The following SEC24A variants were observed in gnomAD, a reference collection of about 807,000 sequenced individuals.
SEC24A encodes SEC24 homolog A, COPII component.
In SEC24A, 93 loss-of-function variants were observed where a neutral mutation model predicts 129.4. That is an observed-to-expected ratio of 0.72 (90% CI 0.61 to 0.85). The LOEUF (loss-of-function observed/expected upper bound fraction) is 0.85, where lower values mean the gene tolerates loss of function less well. Among genes scored for constraint, SEC24A ranks in the 40% least tolerant of loss-of-function variants. The pLI is 0.00. For missense variants in SEC24A, 1,264 were observed against 1,307.4 expected, an observed-to-expected ratio of 0.97 and a Z score of 0.51; for synonymous variants, 460 against 467.3, an observed-to-expected ratio of 0.98 and a Z score of 0.20.
At chr5:134,717,646 CG>C (rs1752515584) in intron 19 of SEC24A, among the ~76,000 whole-genome samples, 1 of 151,614 alleles carries the variant, frequency 6.6e-6, no homozygotes, top group Non-Finnish European at 1.5e-5. Context: ...TGGCCGGGTG[CG>C]GTAGCTCACG....
chr5:134,716,467 T>TAAAA (rs370950499), intron 19 of SEC24A, among the ~76,000 whole-genome samples: 1 of 78,930 alleles, frequency 1.3e-5, no homozygotes, highest in African/African-American at 4.9e-5. Context: ...AGACTTTGTC[T>TAAAA]AAAAAAAAAA....
intron 19 of SEC24A, among the ~76,000 whole-genome samples, chr5:134,716,143 T>C (rs1752470275): frequency 2.0e-5 from 3 of 152,084 alleles, no homozygotes; most frequent in Non-Finnish European, 4.4e-5. Flanking sequence ...AGTTAAGATA[T>C]ATATTTTGGA....
chr5:134,696,980 T>C (rs1249567311), intron 13 of SEC24A, 146 bp from the exon 14 acceptor site: 1 of 482,680 alleles, frequency 2.1e-6, no homozygotes, highest in Non-Finnish European at 3.7e-6. Context: ...AAAAATCAAG[T>C]AGTACCACAA....
chr5:134,671,604 A>T (rs1194380492), intron 3 of SEC24A, among the ~76,000 whole-genome samples: 2 of 152,180 alleles, frequency 1.3e-5, no homozygotes, highest in African/African-American at 4.8e-5. Context: ...CCAAAGACTC[A>T]TGTTTCCTTT....
At chr5:134,712,984 T>C (rs950739953) in intron 18 of SEC24A, among the ~76,000 whole-genome samples, 2 of 138,676 alleles carry the variant, frequency 1.4e-5, no homozygotes, top group Non-Finnish European at 3.0e-5. Flanking sequence ...TAGGCTGGAG[T>C]GCAGTGGCGC....
chr5:134,667,892 T>C (rs1750721666), intron 3 of SEC24A, among the ~76,000 whole-genome samples: 1 of 152,150 alleles, frequency 6.6e-6, no homozygotes, highest in African/African-American at 2.4e-5. Flanking sequence ...AGAGTGTTCA[T>C]TTAAATAAGA....
rs770518020 is a variant in SEC24A at position 134,674,731 on chromosome 5, C to G, written c.934C>G (p.Pro312Ala). Residue 312 changes from proline (P) to alanine (A), a missense_variant, in exon 5 of 23, where the codon CCC (proline) becomes GCC (alanine). Coordinates refer to ENST00000398844, the MANE Select transcript of SEC24A (RefSeq NM_021982.3). ...TTPPGATGVP[P>A]SSLNYPSGPQ... ...ACCACCTGGTGCAACTGGAGTACCA[C>G]CCTCTTCCTTGAATTACCCAAGTGG... The G allele has an allele frequency of 5.6e-6, 9 of 1,613,906 alleles. No homozygotes were observed. In the African/African-American group the frequency reaches 1.1e-4, roughly 19 times the overall value.
rs777547814 is a variant in SEC24A at position 134,694,654 on chromosome 5, C to CA, written c.1986+736dup. ...TGGGTGACAGAGCGAGACTCCGTCT[C>CA]AAAAAAAAAAAAAAATTAGCTGGGT... On this transcript the variant is annotated intron_variant, in intron 13 of 22. Coordinates refer to ENST00000398844, the MANE Select transcript of SEC24A (RefSeq NM_021982.3). Among the ~76,000 whole-genome samples the CA allele has an allele frequency of 9.6e-3, 1,181 of 123,130 alleles. 13 individuals carry two copies. The highest frequency in any genetic ancestry group is 0.029 in the African/African-American group (973 of 33,400). 80.8% of individuals were successfully genotyped at this position (123,130 alleles called of 152,430 possible).
Position 134,674,738 on chromosome 5 carries a change from C to G in SEC24A, c.941C>G (p.Ser314Cys). The change falls in exon 5 of 23, where the codon TCC becomes TGC. Residue 314 changes from serine (S) to cysteine (C), a missense_variant. Transcript: ENST00000398844. ...GGTGCAACTGGAGTACCACCCTCTTCCTTGAATTACCCAAGTGGGCCACAA... is the reference window on the plus strand; with the variant it reads ...GGTGCAACTGGAGTACCACCCTCTTGCTTGAATTACCCAAGTGGGCCACAA... ...PPGATGVPPS[S>C]LNYPSGPQAF... is the part of the protein sequence containing the mutation. The G allele has an allele frequency of 3.1e-6, 5 of 1,613,912 alleles. No individual in the cohort carries two copies. The highest frequency in any genetic ancestry group is 4.2e-6 in the Non-Finnish European group (5 of 1,179,894).
At chr5:134,686,291 G>A (rs1162093073) in intron 9 of SEC24A, among the ~76,000 whole-genome samples, 1 of 150,900 alleles carries the variant, frequency 6.6e-6, no homozygotes, top group African/African-American at 2.4e-5. Flanking sequence ...CTAGAGTGCA[G>A]TGGCATAATC....
intron 3 of SEC24A, among the ~76,000 whole-genome samples, chr5:134,669,474 T>A (rs947633437): frequency 3.2e-5 from 4 of 126,192 alleles, no homozygotes; most frequent in South Asian, 2.5e-4. Context: ...CAGAAAAAAA[T>A]TTTTATTTAT....
At chr5:134,670,856 AC>A (rs1443847987) in intron 3 of SEC24A, among the ~76,000 whole-genome samples, 1 of 151,626 alleles carries the variant, frequency 6.6e-6, no homozygotes, top group African/African-American at 2.4e-5. Context: ...AGGCGTGGTG[AC>A]GGGCACATGT....
Position 134,718,091 on chromosome 5 carries a change from G to A in SEC24A, c.2888G>A (p.Arg963Lys). 6.2e-7 allele frequency: 1 copy of A among 1,613,938 alleles called. No homozygotes were observed. The highest frequency in any genetic ancestry group is 8.5e-7 in the Non-Finnish European group (1 of 1,179,908). The change falls in exon 20 of 23, where the codon AGA becomes AAA. Residue 963 changes from arginine to lysine, a missense_variant. Coordinates refer to ENST00000398844, the MANE Select transcript of SEC24A (RefSeq NM_021982.3). ...CAGGGAGCACTCAACATCAGTGATA[G>A]AACCATACCTCAGCCCCCCATTCTT... The part of the protein sequence containing the change: ...SDEGALNISD[R>K]TIPQPPILQL...
intron 8 of SEC24A, 139 bp from the exon 9 acceptor site, chr5:134,682,234 C>T: frequency 2.1e-6 from 1 of 486,020 alleles, no homozygotes; most frequent in Non-Finnish European, 3.7e-6. Context: ...CAGAGTGAAA[C>T]TCTGTCTCAA....
intron 20 of SEC24A, among the ~76,000 whole-genome samples, 163 bp from the exon 21 acceptor site, chr5:134,720,835 G>A (rs1367580341): frequency 6.6e-6 from 1 of 152,138 alleles, no homozygotes; most frequent in Non-Finnish European, 1.5e-5. Flanking sequence ...CCAGGAGTCG[G>A]AGGTTGCAGT....
intron 1 of SEC24A, among the ~76,000 whole-genome samples, chr5:134,659,361 C>T (rs7719406): frequency 0.025 from 3,736 of 152,074 alleles, 65 homozygotes; most frequent in African/African-American, 0.056. Context: ...CGTGAGCCAC[C>T]GCGCCTGGCC....
At chr5:134,714,037 G>A (rs1331855677) in intron 18 of SEC24A, among the ~76,000 whole-genome samples, 8 of 149,410 alleles carry the variant, frequency 5.4e-5, no homozygotes, top group Admixed American at 1.3e-4. Context: ...GGGAGGCTCC[G>A]TCACAAAAAA....
At chr5:134,715,853 A>T (rs1313421793) in intron 19 of SEC24A, among the ~76,000 whole-genome samples, 6 of 410 alleles carry the variant, frequency 0.015, no homozygotes, top group East Asian at 0.12. Flanking sequence ...TAAAGTATTA[A>T]AAAAAAAAAA....
chr5:134,650,558 G>A (rs1169689908), intron 1 of SEC24A, among the ~76,000 whole-genome samples: 1 of 147,402 alleles, frequency 6.8e-6, no homozygotes, highest in Admixed American at 6.8e-5. Context: ...TTTTTGAGAT[G>A]GAGTCTTGTT....
Sources: allele counts gnomAD v4.1 joint callset (sites outside exome capture counted in the v4.1 genomes callset), GRCh38; gene constraint gnomAD v4.1.1; transcripts MANE v1.5; gene names NCBI Gene and HGNC (gene_info 2026-07-23, HGNC 2026-07-21).